Variants in ADGRL4 observed in about 807,000 individuals in gnomAD.
The protein encoded by ADGRL4 is adhesion G protein-coupled receptor L4, also known as EGF, latrophilin and seven transmembrane domain containing 1.
A neutral mutation model predicts 74.8 loss-of-function variants in ADGRL4; 90 were observed. That is an observed-to-expected ratio of 1.20 (90% CI 1.02 to 1.43). The LOEUF is 1.43. Among genes scored for constraint, ADGRL4 ranks in the 40% most tolerant of loss-of-function variants. The probability of loss-of-function intolerance (pLI) is 0.00; values close to 1 mark genes in which losing one functional copy is unlikely to be tolerated. For synonymous variants in ADGRL4, 311 were observed against 279.2 expected (o/e 1.11, Z -1.14); for missense variants, 881 against 814.3 (o/e 1.08, Z -1.00).
At chr1:78,959,852 G>T (rs1425752545) in intron 2 of ADGRL4, among the ~76,000 whole-genome samples, 2 of 152,090 alleles carry the variant, frequency 1.3e-5, no homozygotes, top group Non-Finnish European at 2.9e-5. Flanking sequence ...ATTTTCCCAT[G>T]AACCTTCTTG....
intron 2 of ADGRL4, among the ~76,000 whole-genome samples, chr1:78,953,234 T>G (rs1365943863): frequency 1.3e-5 from 2 of 152,188 alleles, no homozygotes; most frequent in Non-Finnish European, 2.9e-5. Context: ...ATTGTATCTA[T>G]CAATCAATGG....
Position 78,891,608 on chromosome 1 carries a change from T to C in ADGRL4, c.1926A>G (p.Ser642=), listed in dbSNP as rs1366609799. The C allele has an allele frequency of 1.9e-6, 3 of 1,613,422 alleles. No homozygotes were observed. Among genetic ancestry groups the C allele is most frequent in the Non-Finnish European group, 2.5e-6 (3 of 1,179,718 alleles). The part of the protein sequence containing the change: ...IFGVLHVVHA[S]VVTAYLFTVS... ...CTGTGAAGAGGTAAGCTGTAACCAC[T>C]GATGCGTGCACAACATGGAGAACCC... Residue 642 remains serine, a synonymous_variant, in exon 14 of 15, where the codon TCA becomes TCG. Transcript: ENST00000370742.
At chr1:78,946,984 T>G (rs1006215878) in intron 2 of ADGRL4, among the ~76,000 whole-genome samples, 9 of 152,196 alleles carry the variant, frequency 5.9e-5, no homozygotes, top group Non-Finnish European at 2.9e-5. Context: ...AAATTAAAAG[T>G]AAATAATATA....
Position 78,920,300 on chromosome 1 carries a change from G to T in ADGRL4, c.1344C>A (p.Thr448=). 1 of 1,611,396 alleles carries T rather than the reference G, an allele frequency of 6.2e-7. No homozygotes were observed. Among genetic ancestry groups the T allele is most frequent in the Non-Finnish European group, 8.5e-7 (1 of 1,178,278 alleles). ...SLICLAICIF[T]FWFFSEIQST... ...TTTGAATTTCACTGAAGAACCAGAA[G>T]GTAAAAATGCATATGGCAAGACAAA... Residue 448 remains threonine, a synonymous_variant, in exon 10 of 15, where the codon ACC becomes ACA. Coordinates refer to ENST00000370742, the MANE Select transcript of ADGRL4 (RefSeq NM_022159.4).
chr1:78,941,140 C>T (rs1235826153), intron 3 of ADGRL4, among the ~76,000 whole-genome samples: 2 of 152,098 alleles, frequency 1.3e-5, no homozygotes, highest in Non-Finnish European at 2.9e-5. Flanking sequence ...TACCACTCCA[C>T]AGAAATGAAT....
intron 7 of ADGRL4, among the ~76,000 whole-genome samples, chr1:78,932,221 A>C (rs1649257436): frequency 6.6e-6 from 1 of 151,178 alleles, no homozygotes; most frequent in Non-Finnish European, 1.5e-5. Flanking sequence ...AAATCATAAC[A>C]GTCTCTCAGA....
In ADGRL4 at chr1:78,907,883, T is replaced by C. The variant is rs1648680007; in HGVS notation, c.1749+9751A>G. Reference sequence around the variant, plus strand: ...TAGGTAAAGTATCCACACGTCCCCGTTTGCCTGGGCTGGTTGTCATTTTGA... The same window carrying C: ...TAGGTAAAGTATCCACACGTCCCCGCTTGCCTGGGCTGGTTGTCATTTTGA... On this transcript the variant is annotated intron_variant, in intron 12 of 14. Transcript: ENST00000370742. 2.6e-5 allele frequency among the ~76,000 whole-genome samples: 4 copies of C among 151,900 alleles called. No homozygotes were observed. The South Asian group carries it at 8.3e-4, about 31-fold the overall frequency.
chr1:78,978,998 TGA>T (rs1650348293), intron 2 of ADGRL4, among the ~76,000 whole-genome samples: 1 of 151,994 alleles, frequency 6.6e-6, no homozygotes, highest in Non-Finnish European at 1.5e-5. Context: ...GAATGAATTA[TGA>T]GTTACATTTG....
intron 2 of ADGRL4, among the ~76,000 whole-genome samples, chr1:78,989,602 G>A (rs1401088104): frequency 2.6e-5 from 4 of 151,652 alleles, no homozygotes; most frequent in East Asian, 1.9e-4. Context: ...GTTGTAGTTT[G>A]TGGAGTTTGG....
intron 10 of ADGRL4, among the ~76,000 whole-genome samples, chr1:78,918,415 T>C (rs1440274006): frequency 6.6e-6 from 1 of 151,938 alleles, no homozygotes. Flanking sequence ...ATGCCTCTCT[T>C]TTCCTTTATT....
chr1:78,941,710 G>T (rs1371813923), intron 3 of ADGRL4, among the ~76,000 whole-genome samples: 3 of 152,016 alleles, frequency 2.0e-5, no homozygotes, highest in Non-Finnish European at 4.4e-5. Flanking sequence ...CTTGTCTACA[G>T]TGAATGTGCC....
chr1:78,933,344 A>G (rs1649285594), intron 7 of ADGRL4, among the ~76,000 whole-genome samples: 1 of 151,498 alleles, frequency 6.6e-6, no homozygotes, highest in South Asian at 2.1e-4. Context: ...GATCATCTCA[A>G]TAGATGCAGA....
chr1:78,983,663 A>G (rs1023497490), intron 2 of ADGRL4, among the ~76,000 whole-genome samples: 5 of 151,836 alleles, frequency 3.3e-5, no homozygotes, highest in Admixed American at 6.6e-5. Context: ...TATTATTTTA[A>G]GAGCTAACAG....
rs552634824 is a variant in ADGRL4, at chr1:78,989,477, T to A, written c.172+15593A>T. ...AATAATTAAATAAATTTTTATTTTG[T>A]TTTTTTTCCTTTGGACACAGTGAGC... On this transcript the variant is annotated intron_variant, in intron 2 of 14. Coordinates refer to ENST00000370742, the MANE Select transcript of ADGRL4 (RefSeq NM_022159.4). Among the ~76,000 whole-genome samples the A allele has an allele frequency of 4.1e-3, 516 of 126,774 alleles. 4 individuals carry two copies. Among genetic ancestry groups the A allele is most frequent in the African/African-American group, 0.015 (499 of 33,302 alleles). 83.2% of individuals were successfully genotyped at this position (126,774 alleles called of 152,430 possible).
At chr1:78,934,909 T>C (rs1254618841) in intron 7 of ADGRL4, among the ~76,000 whole-genome samples, 5 of 152,202 alleles carry the variant, frequency 3.3e-5, no homozygotes, top group African/African-American at 1.2e-4. Flanking sequence ...AAACAATAGA[T>C]GCTGGTGAGG....
At chr1:78,899,653 C>T (rs1648477582) in intron 12 of ADGRL4, among the ~76,000 whole-genome samples, 1 of 152,150 alleles carries the variant, frequency 6.6e-6, no homozygotes, top group South Asian at 2.1e-4. Context: ...CCATGCTTGG[C>T]CCTATGTAGT....
intron 12 of ADGRL4, among the ~76,000 whole-genome samples, chr1:78,901,806 C>T (rs1218282103): frequency 1.3e-5 from 2 of 152,108 alleles, no homozygotes; most frequent in Non-Finnish European, 2.9e-5. Flanking sequence ...ACACCATGAG[C>T]CTCATCATGT....
Position 78,938,087 on chromosome 1 carries a change from T to C in ADGRL4, c.576+13A>G, listed in dbSNP as rs1357718061. ...AAGCTCAATTATATTGAGTTAAAGC[T>C]GAACATACTTACAGTAAGAGTTGAG... is the stretch of plus-strand genomic sequence containing the variant. On this transcript the variant is annotated intron_variant, in intron 5 of 14. Coordinates refer to ENST00000370742, the MANE Select transcript of ADGRL4 (RefSeq NM_022159.4). The C allele has an allele frequency of 6.2e-7, 1 of 1,611,380 alleles. No individual in the cohort carries two copies. The highest frequency in any genetic ancestry group is 8.5e-7 in the Non-Finnish European group (1 of 1,179,134).
intron 12 of ADGRL4, among the ~76,000 whole-genome samples, chr1:78,899,547 G>A (rs1249881039): frequency 6.6e-6 from 1 of 152,076 alleles, no homozygotes; most frequent in Non-Finnish European, 1.5e-5. Context: ...TAGAGATGGG[G>A]TTTCGCCATA....
Sources: allele counts gnomAD v4.1 joint callset (sites outside exome capture counted in the v4.1 genomes callset), GRCh38; gene constraint gnomAD v4.1.1; transcripts MANE v1.5; gene names NCBI Gene and HGNC (gene_info 2026-07-23, HGNC 2026-07-21).